The following XRCC2 variants were observed in gnomAD, a reference collection of about 807,000 sequenced individuals.
XRCC2 encodes X-ray repair cross complementing 2.
Under a neutral mutation model 27.3 loss-of-function variants are expected in XRCC2, and 24 were observed. That is an observed-to-expected ratio of 0.88 (90% CI 0.64 to 1.24). The LOEUF is 1.24. Among genes scored for constraint, XRCC2 ranks in the 50% most tolerant of loss-of-function variants. XRCC2 has a pLI of 0.00. For synonymous variants in XRCC2, 106 were observed against 115.4 expected, an observed-to-expected ratio of 0.92 and a Z score of 0.52; for missense variants, 321 against 325.8, an observed-to-expected ratio of 0.99 and a Z score of 0.11.
At position 152,655,685 on chromosome 7, in the gene XRCC2, C is replaced by G. The variant is rs1011433107; in HGVS notation, c.121+5016G>C. Among the ~76,000 whole-genome samples, 5 of 152,292 alleles carry G rather than the reference C, an allele frequency of 3.3e-5. No individual in the cohort carries two copies. The South Asian group carries it at 8.3e-4, about 25-fold the overall frequency. ...CGTCACGGCGCCACTGCACTCCAGCCTGGGCAACAAGAGTGAGACCCTGTC... is the reference window on the plus strand; with the variant it reads ...CGTCACGGCGCCACTGCACTCCAGCGTGGGCAACAAGAGTGAGACCCTGTC... On this transcript the variant is annotated intron_variant, in intron 2 of 2. Coordinates refer to ENST00000359321, the MANE Select transcript of XRCC2 (RefSeq NM_005431.2).
At chr7:152,654,658 C>A (rs2116993597) in intron 2 of XRCC2, among the ~76,000 whole-genome samples, 1 of 152,332 alleles carries the variant, frequency 6.6e-6, no homozygotes, top group South Asian at 2.1e-4. Context: ...ACGGCACTAG[C>A]CTAGGCATTC....
intron 1 of XRCC2, among the ~76,000 whole-genome samples, chr7:152,673,441 G>A (rs772668384): frequency 9.2e-5 from 14 of 152,026 alleles, no homozygotes; most frequent in Admixed American, 5.9e-4. Flanking sequence ...TTGGGATTAC[G>A]GGCATGAGCC....
chr7:152,655,935 G>A (rs865871139), intron 2 of XRCC2, among the ~76,000 whole-genome samples: 1 of 151,678 alleles, frequency 6.6e-6, no homozygotes, highest in Admixed American at 6.6e-5. Flanking sequence ...AGCCGAGATC[G>A]AGCTGCACTC....
intron 1 of XRCC2, among the ~76,000 whole-genome samples, chr7:152,674,796 ATGG>A (rs2098040191): frequency 6.7e-5 from 2 of 29,884 alleles, no homozygotes; most frequent in South Asian, 1.4e-3. Flanking sequence ...ATATATATCT[ATGG>A]TTTATAACTG....
Position 152,660,689 on chromosome 7 carries a change from T to C in XRCC2, c.121+12A>G. 1 of 1,601,530 alleles carries C rather than the reference T, an allele frequency of 6.2e-7. No homozygotes were observed. Among genetic ancestry groups the C allele is most frequent in the Non-Finnish European group, 8.5e-7 (1 of 1,174,932 alleles). ...GATTTGCATTTATTTATATAAAGGT[T>C]GTATTTTTTACCATGCACAGGTGAA... On this transcript the variant is annotated intron_variant, in intron 2 of 2. Coordinates refer to ENST00000359321, the MANE Select transcript of XRCC2 (RefSeq NM_005431.2).
At chr7:152,651,724 G>A (rs1270807162) in intron 2 of XRCC2, among the ~76,000 whole-genome samples, 1 of 151,728 alleles carries the variant, frequency 6.6e-6, no homozygotes, top group Non-Finnish European at 1.5e-5. Context: ...ATGTTGCCCA[G>A]GCTGGTCTTG....
chr7:152,671,993 A>G (rs2098038384), intron 1 of XRCC2, among the ~76,000 whole-genome samples: 2 of 152,326 alleles, frequency 1.3e-5, no homozygotes, highest in African/African-American at 4.8e-5. Context: ...GGGAGCTGTA[A>G]TCGTGCCACT....
intron 1 of XRCC2, among the ~76,000 whole-genome samples, chr7:152,674,342 G>A (rs533824570): frequency 9.9e-5 from 15 of 152,212 alleles, no homozygotes; most frequent in Admixed American, 8.5e-4. Context: ...TTGGCCGGGC[G>A]CAGTGGCTCA....
At chr7:152,650,094 T>C (rs1383612336) in intron 2 of XRCC2, among the ~76,000 whole-genome samples, 1 of 152,228 alleles carries the variant, frequency 6.6e-6, no homozygotes, top group Admixed American at 6.5e-5. Context: ...TGGACTTCTA[T>C]GACACGCAGG....
chr7:152,675,642 C>A (rs1021993717), intron 1 of XRCC2, among the ~76,000 whole-genome samples: 2 of 152,200 alleles, frequency 1.3e-5, no homozygotes, highest in Non-Finnish European at 2.9e-5. Context: ...AATGCTCCAA[C>A]GGGCGACCCC....
intron 1 of XRCC2, among the ~76,000 whole-genome samples, chr7:152,667,405 CAAAAAAA>C (rs60136474): frequency 2.6e-5 from 2 of 75,892 alleles, no homozygotes; most frequent in African/African-American, 8.0e-5. Context: ...AACTCCGTCT[CAAAAAAA>C]AAAAAAAAAA....
chr7:152,672,367 C>T (rs1488518941), intron 1 of XRCC2, among the ~76,000 whole-genome samples: 1 of 152,164 alleles, frequency 6.6e-6, no homozygotes, highest in Non-Finnish European at 1.5e-5. Context: ...TTGCCTCTAG[C>T]AAAGACCACC....
rs556842280 is a variant in XRCC2 at position 152,652,183 on chromosome 7, A to G, written c.122-2820T>C. On this transcript the variant is annotated intron_variant, in intron 2 of 2. Coordinates refer to ENST00000359321, the MANE Select transcript of XRCC2 (RefSeq NM_005431.2). ...GTCTCTAAAAAGAAAAGAAAAGAAAAAAAAAAAGATTCTAGGCTCAAGGAG... is the reference window on the plus strand; with the variant it reads ...GTCTCTAAAAAGAAAAGAAAAGAAAGAAAAAAAGATTCTAGGCTCAAGGAG... Among the ~76,000 whole-genome samples the G allele has an allele frequency of 4.0e-5, 6 of 151,896 alleles. No individual in the cohort carries two copies. The East Asian group carries it at 1.2e-3, about 30-fold the overall frequency.
intron 1 of XRCC2, among the ~76,000 whole-genome samples, chr7:152,667,428 A>AAG (rs1554412461): frequency 0.1 from 7,844 of 77,308 alleles, 636 homozygotes; most frequent in African/African-American, 0.2. Context: ...AAAAAAAAAG[A>AAG]AAAAAAGTAT....
At chr7:152,675,569 A>G (rs899280747) in intron 1 of XRCC2, among the ~76,000 whole-genome samples, 11 of 152,078 alleles carry the variant, frequency 7.2e-5, no homozygotes, top group Admixed American at 6.6e-4. Context: ...CTAAGCAGAG[A>G]CACGTGGGCT....
At chr7:152,663,055 A>G (rs1477318745) in intron 1 of XRCC2, among the ~76,000 whole-genome samples, 1 of 152,188 alleles carries the variant, frequency 6.6e-6, no homozygotes, top group Non-Finnish European at 1.5e-5. Context: ...GTGCAGTCTC[A>G]GTCCTCTAGA....
chr7:152,667,322 G>A (rs976844501), intron 1 of XRCC2, among the ~76,000 whole-genome samples: 5 of 144,936 alleles, frequency 3.4e-5, no homozygotes. Context: ...CGGAAGAATC[G>A]CTTGAGTCTG....
chr7:152,660,023 CAAAGTA>C (rs2098032403), intron 2 of XRCC2, among the ~76,000 whole-genome samples: 1 of 152,044 alleles, frequency 6.6e-6, no homozygotes, highest in South Asian at 2.1e-4. Flanking sequence ...GCAAATTATT[CAAAGTA>C]AAAGAGGCCA....
chr7:152,661,926 G>A (rs528579403), intron 1 of XRCC2, among the ~76,000 whole-genome samples: 9 of 152,158 alleles, frequency 5.9e-5, no homozygotes, highest in Admixed American at 2.0e-4. Context: ...TAAGGCTGAT[G>A]AGGATTAAAT....
Sources: allele counts gnomAD v4.1 joint callset (sites outside exome capture counted in the v4.1 genomes callset), GRCh38; gene constraint gnomAD v4.1.1; transcripts MANE v1.5; gene names NCBI Gene and HGNC (gene_info 2026-07-23, HGNC 2026-07-21).